The following FAM168A variants were observed in gnomAD, a reference collection of about 807,000 sequenced individuals.
The protein encoded by FAM168A is protein FAM168A.
Under a neutral mutation model 28.5 loss-of-function variants are expected in FAM168A, and 3 were observed. The observed-to-expected ratio is 0.11, with a 90% confidence interval of 0.05 to 0.27. FAM168A has a LOEUF of 0.27. Ranked by LOEUF, FAM168A falls within the 10% of genes least tolerant of loss-of-function variation. FAM168A has a pLI of 1.00. For synonymous variants in FAM168A, 122 were observed against 124.2 expected, an observed-to-expected ratio of 0.98 and a Z score of 0.12; for missense variants, 222 against 311.5, an observed-to-expected ratio of 0.71 and a Z score of 2.16.
At chr11:73,591,286 A>C (rs557089087) in intron 1 of FAM168A, among the ~76,000 whole-genome samples, 2 of 152,338 alleles carry the variant, frequency 1.3e-5, no homozygotes, top group Non-Finnish European at 2.9e-5. Context: ...CTATGTAAAC[A>C]AATGCAAACT....
At chr11:73,477,157 T>G (rs1867899270) in intron 1 of FAM168A, among the ~76,000 whole-genome samples, 2 of 152,000 alleles carry the variant, frequency 1.3e-5, no homozygotes, top group Non-Finnish European at 2.9e-5. Context: ...AAGTGGGAGA[T>G]AAACATTGAG....
At chr11:73,422,901 G>A (rs1036752260) in intron 3 of FAM168A, among the ~76,000 whole-genome samples, 2 of 152,168 alleles carry the variant, frequency 1.3e-5, no homozygotes, top group Non-Finnish European at 2.9e-5. Flanking sequence ...GGGCCCTCAC[G>A]CCCTCTGACA....
At chr11:73,459,741 G>A (rs546548110) in intron 2 of FAM168A, among the ~76,000 whole-genome samples, 1 of 152,276 alleles carries the variant, frequency 6.6e-6, no homozygotes, top group South Asian at 2.1e-4. Context: ...TGTAAACCAA[G>A]TAGGCAAGGA....
intron 3 of FAM168A, chr11:73,430,465 T>G: frequency 2.0e-6 from 1 of 495,512 alleles, no homozygotes; most frequent in South Asian, 2.0e-5. Context: ...ATAGGACAGA[T>G]GAGCCAACCT....
chr11:73,478,494 GA>G (rs1245487512), intron 1 of FAM168A, among the ~76,000 whole-genome samples: 1 of 152,098 alleles, frequency 6.6e-6, no homozygotes, highest in Non-Finnish European at 1.5e-5. Flanking sequence ...ATAGAAGCAA[GA>G]GATTTCTTTG....
intron 1 of FAM168A, among the ~76,000 whole-genome samples, chr11:73,496,738 T>C (rs925064025): frequency 6.6e-6 from 1 of 152,176 alleles, no homozygotes; most frequent in Non-Finnish European, 1.5e-5. Context: ...TTTTTTGTAT[T>C]TTTAGTAGAG....
intron 1 of FAM168A, among the ~76,000 whole-genome samples, chr11:73,567,494 T>C (rs981052280): frequency 2.0e-5 from 3 of 152,170 alleles, no homozygotes; most frequent in African/African-American, 7.2e-5. Flanking sequence ...GAAAAGGTTT[T>C]ATTATTTTTA....
intron 1 of FAM168A, among the ~76,000 whole-genome samples, chr11:73,531,210 G>A (rs1478948770): frequency 6.6e-6 from 1 of 152,172 alleles, no homozygotes; most frequent in Non-Finnish European, 1.5e-5. Context: ...GTTGAACAGA[G>A]GGTTAAACAA....
intron 1 of FAM168A, among the ~76,000 whole-genome samples, chr11:73,470,307 G>C (rs549855197): frequency 1.3e-5 from 2 of 152,308 alleles, no homozygotes; most frequent in South Asian, 4.2e-4. Flanking sequence ...CAACAACACA[G>C]AGACTACTTG....
rs892601120 is a variant in FAM168A at position 73,406,543 on chromosome 11, G to C, written c.*220C>G. On this transcript the variant is annotated 3_prime_UTR_variant, in exon 8 of 8. Coordinates refer to ENST00000356467, the MANE Select transcript of FAM168A (RefSeq NM_015159.3). ...AGAGCTGGAAGGGCAGGGGCTAAGA[G>C]GGGGACAGTTGGGGAGAGGCAGGAG... 23 of 152,684 alleles carry C rather than the reference G, an allele frequency of 1.5e-4. No individual in the cohort carries two copies. The highest frequency in any genetic ancestry group is 2.4e-5 in the African/African-American group (1 of 41,566). The allele number at this position is 152,684 out of a possible 1,614,324, so 9.5% of individuals were successfully genotyped here.
intron 1 of FAM168A, among the ~76,000 whole-genome samples, chr11:73,572,083 C>T (rs1419178882): frequency 1.3e-5 from 2 of 151,032 alleles, no homozygotes; most frequent in Non-Finnish European, 1.5e-5. Context: ...AAGTGAGGAG[C>T]CCCTCCGCCC....
chr11:73,453,149 C>A (rs1255230841), intron 2 of FAM168A, among the ~76,000 whole-genome samples: 1 of 152,248 alleles, frequency 6.6e-6, no homozygotes, highest in Non-Finnish European at 1.5e-5. Context: ...ATAGCAGGTA[C>A]ACTTTGGTAG....
intron 1 of FAM168A, among the ~76,000 whole-genome samples, chr11:73,493,804 G>A (rs1854810442): frequency 6.6e-6 from 1 of 152,150 alleles, no homozygotes; most frequent in Non-Finnish European, 1.5e-5. Flanking sequence ...GAATTCACAC[G>A]GAGATGGAGA....
chr11:73,436,522 C>CAA (rs397782309), intron 2 of FAM168A, among the ~76,000 whole-genome samples: 8 of 148,504 alleles, frequency 5.4e-5, no homozygotes, highest in African/African-American at 1.5e-4. Flanking sequence ...AAACAATGAC[C>CAA]AAAAAAAAAA....
intron 1 of FAM168A, among the ~76,000 whole-genome samples, chr11:73,581,227 G>A (rs939582404): frequency 1.3e-5 from 2 of 152,218 alleles, no homozygotes; most frequent in Non-Finnish European, 2.9e-5. Flanking sequence ...AAGGGAGTTT[G>A]AAAGTTGTTG....
intron 1 of FAM168A, among the ~76,000 whole-genome samples, chr11:73,470,426 G>A (rs1027172799): frequency 6.6e-6 from 1 of 152,124 alleles, no homozygotes; most frequent in Non-Finnish European, 1.5e-5. Flanking sequence ...TTTCCCCCCA[G>A]AAAGCACGTG....
chr11:73,562,216 C>T (rs1204141634), intron 1 of FAM168A, among the ~76,000 whole-genome samples: 1 of 152,240 alleles, frequency 6.6e-6, no homozygotes, highest in African/African-American at 2.4e-5. Flanking sequence ...GCTGGAATTA[C>T]AGGCGTGAGC....
chr11:73,532,779 C>T (rs550956322), intron 1 of FAM168A, among the ~76,000 whole-genome samples: 2 of 152,284 alleles, frequency 1.3e-5, no homozygotes, highest in South Asian at 2.1e-4. Context: ...TGACTTAGGG[C>T]GGATGCATCA....
At chr11:73,544,465 T>C (rs1943698989) in intron 1 of FAM168A, among the ~76,000 whole-genome samples, 1 of 151,754 alleles carries the variant, frequency 6.6e-6, no homozygotes, top group African/African-American at 2.4e-5. Flanking sequence ...TATGTCCACA[T>C]AAAAACTTAT....
Sources: allele counts gnomAD v4.1 joint callset (sites outside exome capture counted in the v4.1 genomes callset), GRCh38; gene constraint gnomAD v4.1.1; transcripts MANE v1.5; gene names NCBI Gene and HGNC (gene_info 2026-07-23, HGNC 2026-07-21).